Variants in ARID5B observed in about 807,000 individuals in gnomAD.
The protein encoded by ARID5B is AT-rich interactive domain-containing protein 5B.
A neutral mutation model predicts 97.2 loss-of-function variants in ARID5B; 13 were observed. The ratio of observed to expected loss-of-function variants is 0.13; its 90% CI spans 0.09 to 0.21. The LOEUF (loss-of-function observed/expected upper bound fraction) is 0.21. Among genes scored for constraint, ARID5B ranks in the 10% least tolerant of loss-of-function variants. The pLI is 1.00. For missense variants in ARID5B, 1,210 were observed against 1,465.3 expected, an observed-to-expected ratio of 0.83 and a Z score of 2.84; for synonymous variants, 556 against 570.3, an observed-to-expected ratio of 0.97 and a Z score of 0.36.
At chr10:61,991,041 T>TATACACACACACACACACACACAC (rs1554842858) in intron 3 of ARID5B, among the ~76,000 whole-genome samples, 1 of 145,062 alleles carries the variant, frequency 6.9e-6, no homozygotes, top group Non-Finnish European at 1.5e-5. Flanking sequence ...ATTTATCCTG[T>TATACACACACACACACACACACAC]ACACACACAC....
intron 3 of ARID5B, among the ~76,000 whole-genome samples, chr10:61,951,955 T>C (rs1838329631): frequency 6.6e-6 from 1 of 152,200 alleles, no homozygotes; most frequent in African/African-American, 2.4e-5. Flanking sequence ...TTAATTATCG[T>C]TGGGCATTTC....
chr10:62,026,721 A>G (rs1325276870), intron 4 of ARID5B, among the ~76,000 whole-genome samples: 1 of 152,158 alleles, frequency 6.6e-6, no homozygotes, highest in Non-Finnish European at 1.5e-5. Context: ...ATGGAGCTTG[A>G]TGAGATTTGC....
At chr10:62,089,040 C>T (rs192884952) in intron 9 of ARID5B, among the ~76,000 whole-genome samples, 261 of 152,324 alleles carry the variant, frequency 1.7e-3, no homozygotes, top group African/African-American at 5.9e-3. Flanking sequence ...AGTTCTACAT[C>T]ATAGAAACTT....
chr10:61,991,701 T>G (rs1838927693), intron 3 of ARID5B, among the ~76,000 whole-genome samples: 1 of 152,182 alleles, frequency 6.6e-6, no homozygotes, highest in African/African-American at 2.4e-5. Flanking sequence ...TATTGTTTGT[T>G]GTTTTCTTAT....
chr10:61,913,948 T>A (rs1159637885), intron 2 of ARID5B, among the ~76,000 whole-genome samples: 2 of 152,108 alleles, frequency 1.3e-5, no homozygotes, highest in Non-Finnish European at 2.9e-5. Flanking sequence ...ACGGGGTTTC[T>A]CCATGTTGGC....
chr10:62,029,909 C>T (rs1232002326), intron 4 of ARID5B, among the ~76,000 whole-genome samples: 1 of 152,114 alleles, frequency 6.6e-6, no homozygotes, highest in Admixed American at 6.5e-5. Context: ...GTACACAGAG[C>T]GTTTGGCTTT....
chr10:61,942,961 A>G (rs1186441604), intron 3 of ARID5B, among the ~76,000 whole-genome samples: 1 of 152,152 alleles, frequency 6.6e-6, no homozygotes, highest in Non-Finnish European at 1.5e-5. Flanking sequence ...AAGAAACACC[A>G]TGTACTTAAA....
chr10:61,988,263 C>T (rs1021049794), intron 3 of ARID5B, among the ~76,000 whole-genome samples: 11 of 152,118 alleles, frequency 7.2e-5, no homozygotes, highest in Admixed American at 5.2e-4. Flanking sequence ...GTAATGTGCA[C>T]ACTAGAAAAA....
At chr10:61,927,733 T>C (rs1290807080) in intron 2 of ARID5B, among the ~76,000 whole-genome samples, 1 of 152,250 alleles carries the variant, frequency 6.6e-6, no homozygotes, top group Non-Finnish European at 1.5e-5. Flanking sequence ...TTAGATGAGA[T>C]AGCTTTTTAT....
chr10:62,020,888 A>G (rs182389440), intron 4 of ARID5B, among the ~76,000 whole-genome samples: 1 of 151,994 alleles, frequency 6.6e-6, no homozygotes, highest in Non-Finnish European at 1.5e-5. Context: ...TAAAAAATGG[A>G]AAAAATGAAA....
At chr10:62,061,217 TA>T (rs1839917446) in intron 7 of ARID5B, among the ~76,000 whole-genome samples, 1 of 152,190 alleles carries the variant, frequency 6.6e-6, no homozygotes, top group Non-Finnish European at 1.5e-5. Context: ...GTCAGTGCCC[TA>T]CACAGGTAAA....
chr10:61,977,040 T>C (rs1265103120), intron 3 of ARID5B, among the ~76,000 whole-genome samples: 2 of 152,108 alleles, frequency 1.3e-5, no homozygotes, highest in Non-Finnish European at 2.9e-5. Context: ...CCCCGGTGTG[T>C]CATGTTCCAC....
At chr10:61,981,100 C>T (rs749802079) in intron 3 of ARID5B, among the ~76,000 whole-genome samples, 1 of 152,194 alleles carries the variant, frequency 6.6e-6, no homozygotes, top group Admixed American at 6.5e-5. Flanking sequence ...CTCTCTAAGC[C>T]TCAATTTCCT....
intron 3 of ARID5B, among the ~76,000 whole-genome samples, chr10:61,981,682 G>A (rs886854606): frequency 3.3e-5 from 5 of 152,106 alleles, no homozygotes; most frequent in Non-Finnish European, 7.4e-5. Flanking sequence ...TTTGCAAACT[G>A]GACCTTATCT....
intron 3 of ARID5B, among the ~76,000 whole-genome samples, chr10:61,969,148 G>A (rs921884018): frequency 3.3e-5 from 5 of 152,078 alleles, no homozygotes; most frequent in African/African-American, 1.2e-4. Context: ...TAGCTGCTCT[G>A]CAATACCCTC....
At chr10:62,086,202 C>T (rs1840277510) in intron 9 of ARID5B, among the ~76,000 whole-genome samples, 2 of 152,184 alleles carry the variant, frequency 1.3e-5, no homozygotes, top group Non-Finnish European at 1.5e-5. Context: ...GAAAAGGGTC[C>T]AGAGCCACAC....
At position 62,091,776 on chromosome 10, in the gene ARID5B, C is replaced by A; in HGVS notation, c.2313C>A (p.Asp771Glu). ...CGGAAGAGAGAAAGACCATCAATGA[C>A]ATCTTTAAGCATGAGAAACTGAGTC... ...KPSEERKTINDIFKHEKLSRS... is the reference protein window; with the variant it reads ...KPSEERKTINEIFKHEKLSRS... Residue 771 changes from aspartate to glutamate, a missense_variant, in exon 10 of 10, where the codon GAC (aspartate) becomes GAA (glutamate). Asp to Glu is a conservative substitution (Grantham distance 45, BLOSUM62 2). Coordinates refer to ENST00000279873, the MANE Select transcript of ARID5B (RefSeq NM_032199.3). 1 of 1,614,072 alleles carries A rather than the reference C, an allele frequency of 6.2e-7. No individual in the cohort carries two copies. The highest frequency in any genetic ancestry group is 1.3e-5 in the African/African-American group (1 of 75,032).
chr10:62,071,531 A>T (rs577959496), intron 8 of ARID5B, among the ~76,000 whole-genome samples: 1 of 147,066 alleles, frequency 6.8e-6, no homozygotes, highest in South Asian at 2.2e-4. Context: ...CATCAATCAA[A>T]TTAATTACAA....
chr10:62,009,112 C>T (rs1839183777), intron 4 of ARID5B, among the ~76,000 whole-genome samples: 1 of 152,236 alleles, frequency 6.6e-6, no homozygotes, highest in Non-Finnish European at 1.5e-5. Flanking sequence ...CAAGAGCCAG[C>T]TGTACTGCCT....
Sources: allele counts gnomAD v4.1 joint callset (sites outside exome capture counted in the v4.1 genomes callset), GRCh38; gene constraint gnomAD v4.1.1; transcripts MANE v1.5; gene names NCBI Gene and HGNC (gene_info 2026-07-23, HGNC 2026-07-21).